PHC3: variants seen among roughly 807,000 people sequenced by gnomAD.
PHC3 encodes polyhomeotic homolog 3.
In PHC3, 13 loss-of-function variants were observed where a neutral mutation model predicts 107.4. That is an observed-to-expected ratio of 0.12 (90% CI 0.08 to 0.19). The LOEUF (loss-of-function observed/expected upper bound fraction) is 0.19. Ranked by LOEUF, PHC3 falls within the 10% of genes least tolerant of loss-of-function variation. The probability of loss-of-function intolerance (pLI) is 1.00; values close to 1 mark genes in which losing one functional copy is unlikely to be tolerated. For synonymous variants in PHC3, 456 were observed against 427.4 expected (o/e 1.07, Z -0.83); for missense variants, 992 against 1,210.9 (o/e 0.82, Z 2.68).
chr3:170,112,816 G>T (rs983823379), intron 11 of PHC3, among the ~76,000 whole-genome samples: 1 of 152,172 alleles, frequency 6.6e-6, no homozygotes, highest in Non-Finnish European at 1.5e-5. Context: ...GAGCCATCGT[G>T]CCTGGCCTTA....
At chr3:170,145,295 A>T in intron 6 of PHC3, 128 bp downstream of exon 6, 1 of 622,526 alleles carries the variant, frequency 1.6e-6, no homozygotes, top group Non-Finnish European at 2.6e-6. Flanking sequence ...GTATTTTATT[A>T]AATTTCAATC....
At chr3:170,146,374 CAAA>C (rs1257938749) in intron 5 of PHC3, among the ~76,000 whole-genome samples, 1 of 97,554 alleles carries the variant, frequency 1.0e-5, no homozygotes. Flanking sequence ...GACTCCATCT[CAAA>C]AAAAAAAAAA....
chr3:170,174,233 T>C (rs1315631584), intron 2 of PHC3, among the ~76,000 whole-genome samples: 2 of 151,782 alleles, frequency 1.3e-5, no homozygotes, highest in Non-Finnish European at 2.9e-5. Context: ...AAAATAAAAT[T>C]ATAAAGCTAT....
At chr3:170,115,723 G>A (rs1718802393) in intron 10 of PHC3, among the ~76,000 whole-genome samples, 1 of 152,168 alleles carries the variant, frequency 6.6e-6, no homozygotes, top group Non-Finnish European at 1.5e-5. Flanking sequence ...AACTCTAAGA[G>A]CAAAGCACCG....
intron 8 of PHC3, among the ~76,000 whole-genome samples, chr3:170,126,542 T>C (rs1721317724): frequency 7.7e-6 from 1 of 129,624 alleles, no homozygotes; most frequent in Non-Finnish European, 1.6e-5. Flanking sequence ...TTTTTTTTTT[T>C]TCCTTTTTCT....
rs186097429 is a variant in PHC3, at chr3:170,106,915, G to T, written c.2385C>A (p.Leu795=). The stretch of plus-strand genomic sequence containing the variant: ...CCATTTTCCCACAGAATTCACACTT[G>T]AGCAACTCACTGTCCATTTCTTCTA... ...ETLEEMDSEL[L]KCEFCGKMGY... is the part of the protein sequence containing the mutation. Residue 795 remains leucine (L), a synonymous_variant, in exon 12 of 15, where the codon CTC becomes CTA. Transcript: ENST00000495893. 8.1e-6 allele frequency: 13 copies of T among 1,611,152 alleles called. No individual in the cohort carries two copies. In the African/African-American group the frequency reaches 1.7e-4, roughly 22 times the overall value.
intron 4 of PHC3, among the ~76,000 whole-genome samples, chr3:170,151,549 A>G (rs972786537): frequency 6.6e-6 from 1 of 152,252 alleles, no homozygotes; most frequent in South Asian, 2.1e-4. Flanking sequence ...AAGGCAGTCT[A>G]TAAGGGTATC....
chr3:170,162,764 AG>A (rs1728092364), intron 4 of PHC3, among the ~76,000 whole-genome samples: 1 of 152,152 alleles, frequency 6.6e-6, no homozygotes, highest in Admixed American at 6.6e-5. Flanking sequence ...TAAAACCCAA[AG>A]GTCTTATAAT....
intron 10 of PHC3, among the ~76,000 whole-genome samples, chr3:170,115,829 T>C (rs1368030114): frequency 6.6e-6 from 1 of 151,932 alleles, no homozygotes; most frequent in Non-Finnish European, 1.5e-5. Context: ...GAAAAAAGAC[T>C]GTTCCTCCAT....
At chr3:170,112,514 C>T (rs1167929191) in intron 11 of PHC3, among the ~76,000 whole-genome samples, 2 of 147,536 alleles carry the variant, frequency 1.4e-5, no homozygotes, top group South Asian at 2.2e-4. Context: ...TAAGCCACCG[C>T]GCCTGGCCTA....
Position 170,117,436 on chromosome 3 carries a change from T to C in PHC3, c.1983A>G (p.Ser661=). ...ELPAVASVSA[S]VIKSPSDPSH... is the part of the protein sequence containing the mutation. ...AGGGATCTGATGGAGATTTAATTAC[T>C]GAAGCACTGACTGATGCCACAGCAG... is the stretch of plus-strand genomic sequence containing the variant. Residue 661 remains serine (S), a synonymous_variant, in exon 10 of 15, where the codon TCA becomes TCG. Coordinates refer to ENST00000495893, the MANE Select transcript of PHC3 (RefSeq NM_024947.4). The C allele has an allele frequency of 1.2e-6, 2 of 1,613,846 alleles. No homozygotes were observed. The highest frequency in any genetic ancestry group is 1.7e-6 in the Non-Finnish European group (2 of 1,179,816).
chr3:170,172,767 T>A, intron 2 of PHC3, 55 bp from the exon 3 acceptor site: 1 of 1,533,266 alleles, frequency 6.5e-7, no homozygotes, highest in South Asian at 1.2e-5. Flanking sequence ...TTTATCTTAA[T>A]CAGAAAATCA....
At chr3:170,107,078 T>TG (rs1195316875) in intron 11 of PHC3, 132 bp from the exon 12 acceptor site, 43 of 543,394 alleles carry the variant, frequency 7.9e-5, no homozygotes, top group Middle Eastern at 3.7e-4. Flanking sequence ...ACAGCCACTC[T>TG]GGCAGGGCAA....
In PHC3 at chr3:170,095,497, C is replaced by A. The variant is rs1436096710; in HGVS notation, c.*1733G>T. The A allele has an allele frequency of 2.0e-5, 3 of 151,968 alleles. No homozygotes were observed. The highest frequency in any genetic ancestry group is 7.2e-5 in the African/African-American group (3 of 41,404). 9.4% of individuals were successfully genotyped at this position (151,968 alleles called of 1,614,324 possible). A position where few individuals can be genotyped will look rare whatever the true frequency, so the allele number is the denominator to read the frequency against. On this transcript the variant is annotated 3_prime_UTR_variant, in exon 15 of 15. Transcript: ENST00000495893. ...TCAACATTCTCTAATGTACACAAAG[C>A]CAAAAGATAAATATAGTATCTGTGA...
intron 7 of PHC3, 44 bp from the exon 8 acceptor site, chr3:170,129,596 C>A: frequency 6.5e-7 from 1 of 1,528,208 alleles, no homozygotes; most frequent in Non-Finnish European, 8.9e-7. Flanking sequence ...TTCAAAAATA[C>A]AGAAATTTTT....
intron 8 of PHC3, among the ~76,000 whole-genome samples, chr3:170,127,387 G>T (rs1257108676): frequency 6.6e-6 from 1 of 152,054 alleles, no homozygotes; most frequent in African/African-American, 2.4e-5. Flanking sequence ...GGCTGGTCTC[G>T]AACTCCTCAG....
intron 4 of PHC3, chr3:170,170,622 A>G (rs1209834472): frequency 6.6e-6 from 1 of 152,136 alleles, no homozygotes. Context: ...GAATAAAGGA[A>G]CATATCTCAA....
In PHC3 at chr3:170,096,901, A is replaced by C. The variant is rs1339282990; in HGVS notation, c.*329T>G. On this transcript the variant is annotated 3_prime_UTR_variant, in exon 15 of 15. Transcript: ENST00000495893. ...ATGTAAATCATTAAATTACTTTTAA[A>C]AGGATTCTTTATATTAATGATAAAC... The C allele has an allele frequency of 1.1e-5, 2 of 174,760 alleles. No individual in the cohort carries two copies. The highest frequency in any genetic ancestry group is 2.4e-5 in the Non-Finnish European group (2 of 83,296). The allele number at this position is 174,760 out of a possible 1,614,324, so 10.8% of individuals were successfully genotyped here.
Position 170,096,346 on chromosome 3 carries a change from G to C in PHC3, c.*884C>G, listed in dbSNP as rs567018882. ...AATATTTATCACTCCTTCTATATCA[G>C]AGTTTCTCAACCTTGGCAGTACCGA... On this transcript the variant is annotated 3_prime_UTR_variant, in exon 15 of 15. Transcript: ENST00000495893. 5.9e-5 allele frequency: 9 copies of C among 152,120 alleles called. No individual in the cohort carries two copies. In the East Asian group the frequency reaches 9.6e-4, roughly 16 times the overall value. 9.4% of individuals were successfully genotyped at this position (152,120 alleles called of 1,614,324 possible). A position where few individuals can be genotyped will look rare whatever the true frequency, so the allele number is the denominator to read the frequency against.
Sources: gnomAD v4.1 joint callset for allele counts (sites outside exome capture counted in the v4.1 genomes callset) on GRCh38, gnomAD v4.1.1 for gene constraint, MANE v1.5 for transcripts, NCBI Gene and HGNC (gene_info 2026-07-23, HGNC 2026-07-21) for gene names.